PTPA: variants seen among roughly 807,000 people sequenced by gnomAD.
PTPA encodes protein phosphatase 2 phosphatase activator.
In PTPA, 13 loss-of-function variants were observed where a neutral mutation model predicts 43.6. That is an observed-to-expected ratio of 0.30 (90% CI 0.19 to 0.47). The LOEUF (loss-of-function observed/expected upper bound fraction) is 0.47. Ranked by LOEUF, PTPA falls within the 20% of genes least tolerant of loss-of-function variation. The pLI is 0.99. For synonymous variants in PTPA, 172 were observed against 158.2 expected, an observed-to-expected ratio of 1.09 and a Z score of -0.66; for missense variants, 329 against 411.9, an observed-to-expected ratio of 0.80 and a Z score of 1.74.
At chr9:129,117,064 A>AT (rs984074257) in intron 1 of PTPA, among the ~76,000 whole-genome samples, 19 of 151,238 alleles carry the variant, frequency 1.3e-4, no homozygotes, top group Middle Eastern at 3.4e-3. Flanking sequence ...GTTGTTTCTA[A>AT]TTTTTTTTTG....
At chr9:129,146,099 G>T in intron 9 of PTPA, among the ~76,000 whole-genome samples, 1 of 149,210 alleles carries the variant, frequency 6.7e-6, no homozygotes, top group Admixed American at 6.7e-5. Flanking sequence ...GAATTCCAGG[G>T]CCCTTGGGGG....
At chr9:129,120,038 A>C (rs1849146231) in intron 1 of PTPA, among the ~76,000 whole-genome samples, 1 of 152,238 alleles carries the variant, frequency 6.6e-6, no homozygotes, top group Non-Finnish European at 1.5e-5. Flanking sequence ...CGGGTGGATC[A>C]CCTGAGGTCA....
chr9:129,118,813 C>CTTT (rs10712319), intron 1 of PTPA, among the ~76,000 whole-genome samples: 5 of 140,610 alleles, frequency 3.6e-5, no homozygotes, highest in Non-Finnish European at 4.6e-5. Flanking sequence ...CTATGCCCAG[C>CTTT]TTTTTTTTTT....
chr9:129,133,197 A>T (rs998747390), intron 5 of PTPA, among the ~76,000 whole-genome samples: 1 of 152,206 alleles, frequency 6.6e-6, no homozygotes, highest in Non-Finnish European at 1.5e-5. Context: ...AGGCAGGCAG[A>T]TGGGGCACCG....
intron 3 of PTPA, among the ~76,000 whole-genome samples, chr9:129,125,728 T>C (rs1026727718): frequency 6.6e-6 from 1 of 152,156 alleles, no homozygotes; most frequent in Non-Finnish European, 1.5e-5. Flanking sequence ...TTCACTGAGA[T>C]CCCACGAGTA....
intron 1 of PTPA, among the ~76,000 whole-genome samples, chr9:129,119,903 C>A (rs927135224): frequency 6.6e-6 from 1 of 152,132 alleles, no homozygotes. Flanking sequence ...CAAGCCCTTA[C>A]TCTGTCCTGG....
Position 129,111,589 on chromosome 9 carries a change from G to A in PTPA, c.-12G>A. On this transcript the variant is annotated 5_prime_UTR_variant, in exon 1 of 10. Coordinates refer to ENST00000393370, the MANE Select transcript of PTPA (RefSeq NM_178000.3). ...ACTGCAAGCATCCGGGTCGGCTCCT[G>A]GCCGGAGCAAGATGGCTGAGGGCGA... 2 of 1,288,690 alleles carry A rather than the reference G, an allele frequency of 1.6e-6. No individual in the cohort carries two copies. Among genetic ancestry groups the A allele is most frequent in the Middle Eastern group, 2.0e-4 (1 of 4,904 alleles). 79.8% of individuals were successfully genotyped at this position (1,288,690 alleles called of 1,614,324 possible).
Position 129,134,909 on chromosome 9 carries a change from A to G in PTPA, c.560+15A>G, listed in dbSNP as rs1287877501. 1 of 1,606,428 alleles carries G rather than the reference A, an allele frequency of 6.2e-7. No individual in the cohort carries two copies. Among genetic ancestry groups the G allele is most frequent in the Non-Finnish European group, 8.5e-7 (1 of 1,174,204 alleles). On this transcript the variant is annotated intron_variant, in intron 6 of 9. Coordinates refer to ENST00000393370, the MANE Select transcript of PTPA (RefSeq NM_178000.3). The stretch of plus-strand genomic sequence containing the variant: ...GTGTTCAATCGGTGAGAGAAAGGAC[A>G]GGAGGGTTGGAGGAGGGGGCGTGAG...
chr9:129,129,159 G>C (rs989561435), intron 4 of PTPA, 49 bp downstream of exon 4: 1 of 1,601,642 alleles, frequency 6.2e-7, no homozygotes, highest in Non-Finnish European at 8.5e-7. Flanking sequence ...AGTGAGGGTG[G>C]TTCTGGCACC....
chr9:129,133,312 A>C (rs1161902332), intron 5 of PTPA, among the ~76,000 whole-genome samples: 1 of 152,198 alleles, frequency 6.6e-6, no homozygotes, highest in Non-Finnish European at 1.5e-5. Context: ...GGCTTTGACT[A>C]AGACCAGCAG....
In PTPA at chr9:129,116,496, C is replaced by T. The variant is rs370299840; in HGVS notation, c.32-4017C>T. On this transcript the variant is annotated intron_variant, in intron 1 of 9. Coordinates refer to ENST00000393370, the MANE Select transcript of PTPA (RefSeq NM_178000.3). ...CCGAGTTCCATGTTCTCGCCATTCT[C>T]CTGCCTCAGCCTCCCAAGTAGCTGG... Among the ~76,000 whole-genome samples the T allele has an allele frequency of 1.3e-4, 19 of 151,074 alleles. No individual in the cohort carries two copies. The East Asian group carries it at 2.5e-3, about 20-fold the overall frequency.
At chr9:129,121,199 A>T (rs1487243261) in intron 2 of PTPA, among the ~76,000 whole-genome samples, 1 of 152,226 alleles carries the variant, frequency 6.6e-6, no homozygotes, top group East Asian at 1.9e-4. Flanking sequence ...TTTCTCAGGG[A>T]AGGCCTCTGG....
At chr9:129,117,419 T>G (rs1452554972) in intron 1 of PTPA, among the ~76,000 whole-genome samples, 2 of 152,144 alleles carry the variant, frequency 1.3e-5, no homozygotes, top group Non-Finnish European at 2.9e-5. Flanking sequence ...CTTTTTTAAA[T>G]TTGAGACGGA....
rs200051122 is a variant in PTPA at position 129,138,787 on chromosome 9, T to A, written c.786+1095T>A. 2.6e-5 allele frequency among the ~76,000 whole-genome samples: 4 copies of A among 152,220 alleles called. No individual in the cohort carries two copies. In the East Asian group the frequency reaches 5.8e-4, roughly 22 times the overall value. ...CTGGTCAACATTCGGCTCAGGCTTC[T>A]GCCAAACTCCAGAGGCCAGAGGGGA... On this transcript the variant is annotated intron_variant, in intron 8 of 9. Coordinates refer to ENST00000393370, the MANE Select transcript of PTPA (RefSeq NM_178000.3).
intron 3 of PTPA, among the ~76,000 whole-genome samples, chr9:129,124,303 C>T (rs937602983): frequency 1.3e-5 from 2 of 152,144 alleles, no homozygotes; most frequent in African/African-American, 2.4e-5. Flanking sequence ...CTTGGTCTCT[C>T]GAAGTGCTGG....
rs962267414 is a variant in PTPA at position 129,148,826 on chromosome 9, C to G, written c.*1362C>G. On this transcript the variant is annotated 3_prime_UTR_variant, in exon 10 of 10. Transcript: ENST00000393370. ...CAGTGACAGTTTCTCAGAAGAGGCC[C>G]AGCGTCCACCTCTCTCCCAGGGCCA... is the stretch of plus-strand genomic sequence containing the variant. 6.5e-6 allele frequency: 1 copy of G among 152,802 alleles called. No homozygotes were observed. Among genetic ancestry groups the G allele is most frequent in the African/African-American group, 2.4e-5 (1 of 41,454 alleles). 9.5% of individuals were successfully genotyped at this position (152,802 alleles called of 1,614,324 possible).
At chr9:129,116,185 C>G (rs1848850404) in intron 1 of PTPA, among the ~76,000 whole-genome samples, 1 of 151,588 alleles carries the variant, frequency 6.6e-6, no homozygotes, top group African/African-American at 2.4e-5. Context: ...CCACGCCTGA[C>G]TAATTTATTT....
chr9:129,118,051 CTTT>C (rs36010420), intron 1 of PTPA, among the ~76,000 whole-genome samples: 1 of 141,414 alleles, frequency 7.1e-6, no homozygotes. Context: ...TGAGTTGTTT[CTTT>C]TTTTTTTTTT....
At chr9:129,145,749 C>T (rs1226877386) in intron 9 of PTPA, among the ~76,000 whole-genome samples, 1 of 144,766 alleles carries the variant, frequency 6.9e-6, no homozygotes, top group East Asian at 2.0e-4. Flanking sequence ...TCTGTCTTTC[C>T]TCTGGGCCAT....
Sources: gnomAD v4.1 joint callset for allele counts (sites outside exome capture counted in the v4.1 genomes callset) on GRCh38, gnomAD v4.1.1 for gene constraint, MANE v1.5 for transcripts, NCBI Gene and HGNC (gene_info 2026-07-23, HGNC 2026-07-21) for gene names.